SHPK: variants seen among roughly 807,000 people sequenced by gnomAD.
SHPK encodes carbohydrate kinase-like protein.
In SHPK, 51 loss-of-function variants were observed where a neutral mutation model predicts 46.3. The ratio of observed to expected loss-of-function variants is 1.10; its 90% confidence interval spans 0.88 to 1.39. The LOEUF (loss-of-function observed/expected upper bound fraction) is 1.39, where lower values mean the gene tolerates loss of function less well. Ranked by LOEUF, SHPK falls within the 40% of genes most tolerant of loss-of-function variation. The probability of loss-of-function intolerance (pLI) is 0.00; values close to 1 mark genes in which losing one functional copy is unlikely to be tolerated. For missense variants in SHPK, 668 were observed against 641.3 expected (o/e 1.04, Z -0.45); for synonymous variants, 290 against 273.9 (o/e 1.06, Z -0.58).
chr17:3,632,892 C>T (rs373848852), intron 1 of SHPK, among the ~76,000 whole-genome samples: 3 of 151,858 alleles, frequency 2.0e-5, no homozygotes, highest in African/African-American at 7.3e-5. Flanking sequence ...TGCACAGCTG[C>T]CAAGCTTGAC....
At chr17:3,632,314 C>T (rs1471944795) in intron 1 of SHPK, among the ~76,000 whole-genome samples, 3 of 152,190 alleles carry the variant, frequency 2.0e-5, no homozygotes, top group African/African-American at 4.8e-5. Flanking sequence ...CTGGGCGCAG[C>T]GGCTCACGCC....
chr17:3,636,002 G>A (rs1253935500), intron 1 of SHPK, 50 bp downstream of exon 1: 4 of 1,481,326 alleles, frequency 2.7e-6, no homozygotes, highest in South Asian at 2.6e-5. Context: ...GGTGGAAAAG[G>A]GTGGTCAGGA....
At chr17:3,621,949 G>A (rs944519966) in intron 4 of SHPK, among the ~76,000 whole-genome samples, 5 of 150,226 alleles carry the variant, frequency 3.3e-5, no homozygotes, top group Admixed American at 6.7e-5. Context: ...CACCACACCC[G>A]GCTCCTTCTT....
intron 6 of SHPK, among the ~76,000 whole-genome samples, chr17:3,612,814 C>A (rs1048646442): frequency 3.3e-5 from 5 of 150,750 alleles, no homozygotes; most frequent in African/African-American, 7.3e-5. Flanking sequence ...TGCAGTGGCG[C>A]GATCTCGGCT....
Position 3,615,459 on chromosome 17 carries a change from G to A in SHPK, c.902C>T (p.Thr301Met), listed in dbSNP as rs150076372. 905 of 1,614,032 alleles carry A rather than the reference G, an allele frequency of 5.6e-4. 3 individuals carry two copies. Among genetic ancestry groups the A allele is most frequent in the Non-Finnish European group, 7.2e-4 (853 of 1,180,008 alleles). ...GTATGGGAAGTAGGCGACTGGGGCC[G>A]TAGGGTCTGGAGTCTGTGCAGGCTG... ...GFQPAQTPDP[T>M]APVAYFPYFN... The change falls in exon 6 of 7, where the codon ACG (threonine) becomes ATG (methionine). Residue 301 changes from threonine to methionine, a missense_variant. Thr to Met is a moderately conservative substitution (Grantham distance 81). Transcript: ENST00000225519.
intron 5 of SHPK, among the ~76,000 whole-genome samples, chr17:3,620,609 T>C (rs980445255): frequency 1.3e-5 from 2 of 151,382 alleles, no homozygotes; most frequent in Non-Finnish European, 2.9e-5. Context: ...GTCGTCAGGC[T>C]GGAGTGCAGT....
At chr17:3,634,643 C>G (rs2075496251) in intron 1 of SHPK, among the ~76,000 whole-genome samples, 1 of 151,814 alleles carries the variant, frequency 6.6e-6, no homozygotes, top group Non-Finnish European at 1.5e-5. Flanking sequence ...CTACTCTCCC[C>G]TAATGCCAGC....
At chr17:3,619,525 G>C (rs1481487251) in intron 5 of SHPK, 2 of 578,594 alleles carry the variant, frequency 3.5e-6, no homozygotes, top group African/African-American at 3.8e-5. Context: ...ACAAGGTGAA[G>C]AGATTGAGAC....
At position 3,624,050 on chromosome 17, in the gene SHPK, A is replaced by G; in HGVS notation, c.492T>C (p.Tyr164=). 2.5e-6 allele frequency: 4 copies of G among 1,601,774 alleles called. No individual in the cohort carries two copies. Among genetic ancestry groups the G allele is most frequent in the African/African-American group, 1.3e-5 (1 of 74,802 alleles). The part of the protein sequence containing the change: ...GCATIFWLLK[Y]RPEFLKSYDA... ...AGTGAAAGTGCAGTTGCCCGTACCG[A>G]TATTTCAAAAGCCAGAAGATGGTTG... Residue 164 remains tyrosine, a splice_region_variant and synonymous_variant, in exon 3 of 7, where the codon TAT becomes TAC. Coordinates refer to ENST00000225519, the MANE Select transcript of SHPK (RefSeq NM_013276.4).
chr17:3,614,929 A>G (rs2075363142), intron 6 of SHPK, among the ~76,000 whole-genome samples: 1 of 152,132 alleles, frequency 6.6e-6, no homozygotes, highest in Non-Finnish European at 1.5e-5. Context: ...ATATAAGTGC[A>G]TTGTAAGTGA....
At chr17:3,621,527 CCTTTCCTCCCTCCCTCCCTTCTCTTTA>C (rs2075401668) in intron 4 of SHPK, 115 bp from the exon 5 acceptor site, 4 of 903,634 alleles carry the variant, frequency 4.4e-6, no homozygotes, top group Non-Finnish European at 6.6e-6. Context: ...TTCTTCCTTT[CCTTTCCTCCCTCCCTCCCTTCTCTTTA>C]CTCCTTCCCT....
Position 3,610,960 on chromosome 17 carries a change from T to C in SHPK, c.1037A>G (p.Glu346Gly). The C allele has an allele frequency of 6.2e-7, 1 of 1,605,860 alleles. No individual in the cohort carries two copies. The highest frequency in any genetic ancestry group is 8.5e-7 in the Non-Finnish European group (1 of 1,173,790). Residue 346 changes from glutamate (E) to glycine (G), a missense_variant, in exon 7 of 7, where the codon GAA becomes GGA. Glu to Gly is a moderately conservative substitution (Grantham distance 98). Coordinates refer to ENST00000225519, the MANE Select transcript of SHPK (RefSeq NM_013276.4). ...CATGCGTGAATACACAGTGGATTCTTCAACCTCCAGGCCTGCCAGAGACAG... is the reference window on the plus strand; with the variant it reads ...CATGCGTGAATACACAGTGGATTCTCCAACCTCCAGGCCTGCCAGAGACAG... ...QWMADLGLEVEESTVYSRMIQ... is the reference protein window; with the variant it reads ...QWMADLGLEVGESTVYSRMIQ...
chr17:3,635,709 A>G (rs982419241), intron 1 of SHPK, among the ~76,000 whole-genome samples: 1 of 152,154 alleles, frequency 6.6e-6, no homozygotes, highest in Non-Finnish European at 1.5e-5. Flanking sequence ...GCAAGAGTGA[A>G]AGGGAGGCCT....
intron 3 of SHPK, 124 bp from the exon 4 acceptor site, chr17:3,623,615 CTA>C: frequency 1.1e-6 from 1 of 948,398 alleles, no homozygotes; most frequent in Non-Finnish European, 1.7e-6. Context: ...ACCGCATATA[CTA>C]TGGCTCAAGT....
chr17:3,610,793 G>C lies in SHPK; in HGVS notation c.1204C>G (p.Leu402Val). 2 of 1,614,166 alleles carry C rather than the reference G, an allele frequency of 1.2e-6. No individual in the cohort carries two copies. Among genetic ancestry groups the C allele is most frequent in the Non-Finnish European group, 1.7e-6 (2 of 1,180,016 alleles). ...DLSLGHVTRA[L>V]CRGIVQNLHS... ...AGGTTCTGAACAATGCCTCGGCACA[G>C]AGCCCGGGTCACGTGCCCCAGGGAG... is the stretch of plus-strand genomic sequence containing the variant. The change falls in exon 7 of 7, where the codon CTG (leucine) becomes GTG (valine). Residue 402 changes from leucine to valine, a missense_variant. By Grantham distance (32) the Leu-to-Val change is conservative. Transcript: ENST00000225519.
chr17:3,624,639 G>A (rs1045766890), intron 2 of SHPK, among the ~76,000 whole-genome samples: 16 of 151,836 alleles, frequency 1.1e-4, no homozygotes, highest in Non-Finnish European at 1.6e-4. Context: ...AGCTGATTGC[G>A]TTTTATTTTA....
Position 3,613,917 on chromosome 17 carries a change from T to C in SHPK, c.1024+1420A>G, listed in dbSNP as rs544107240. On this transcript the variant is annotated intron_variant, in intron 6 of 6. Transcript: ENST00000225519. ...ACTCTTCCTCCTCTCTGGGAAATAC[T>C]TGGGCCATGACCCAAGCTCTGGGGT... is the stretch of plus-strand genomic sequence containing the variant. 1.1e-3 allele frequency among the ~76,000 whole-genome samples: 170 copies of C among 152,258 alleles called. 1 individual carries two copies. The highest frequency in any genetic ancestry group is 3.8e-3 in the African/African-American group (158 of 41,550).
At chr17:3,612,746 C>G (rs927734534) in intron 6 of SHPK, among the ~76,000 whole-genome samples, 1 of 121,408 alleles carries the variant, frequency 8.2e-6, no homozygotes, top group African/African-American at 3.3e-5. Flanking sequence ...ATGAGTCACT[C>G]AGGGATCTTT....
intron 2 of SHPK, among the ~76,000 whole-genome samples, chr17:3,628,116 C>T (rs1346270472): frequency 2.0e-5 from 3 of 152,016 alleles, no homozygotes; most frequent in African/African-American, 4.8e-5. Flanking sequence ...CTTCAGGGCA[C>T]TCTAAATTGC....
Sources: allele counts gnomAD v4.1 joint callset (sites outside exome capture counted in the v4.1 genomes callset), GRCh38; gene constraint gnomAD v4.1.1; transcripts MANE v1.5; gene names NCBI Gene and HGNC (gene_info 2026-07-23, HGNC 2026-07-21).